Variants in PRKCQ observed in about 807,000 individuals in gnomAD.
The protein encoded by PRKCQ is protein kinase C theta.
In PRKCQ, 41 loss-of-function variants were observed where a neutral mutation model predicts 91.2. That is an observed-to-expected ratio of 0.45 (90% CI 0.35 to 0.58). PRKCQ has a LOEUF of 0.58. PRKCQ is among the 20% of genes least tolerant of loss of function. The pLI is 0.00. For synonymous variants in PRKCQ, 307 were observed against 316.9 expected, an observed-to-expected ratio of 0.97 and a Z score of 0.33; for missense variants, 673 against 896.5, an observed-to-expected ratio of 0.75 and a Z score of 3.18.
intron 1 of PRKCQ, among the ~76,000 whole-genome samples, chr10:6,538,387 C>G: frequency 6.6e-6 from 1 of 152,352 alleles, no homozygotes; most frequent in Non-Finnish European, 1.5e-5. Context: ...GCATTCCAGA[C>G]AGGAATGACC....
the PRKCQ span, among the ~76,000 whole-genome samples, chr10:6,394,622 A>G: frequency 1.3e-5 from 2 of 152,212 alleles, no homozygotes; most frequent in Admixed American, 6.5e-5. Context: ...GTAAATACAT[A>G]CGCCAAATCG....
rs1836728933 is a variant in PRKCQ, at chr10:6,483,506, C to A, written c.1113G>T (p.Leu371=). 2 of 1,614,200 alleles carry A rather than the reference C, an allele frequency of 1.2e-6. No homozygotes were observed. Among genetic ancestry groups the A allele is most frequent in the Non-Finnish European group, 1.7e-6 (2 of 1,180,034 alleles). ...EPELNKERPS[L]QIKLKIEDFI... ...AATCCTCAATTTTTAGTTTAATCTGCAGAGATGGTCTTTCTTTGTTCAGTT... is the reference window on the plus strand; with the variant it reads ...AATCCTCAATTTTTAGTTTAATCTGAAGAGATGGTCTTTCTTTGTTCAGTT... The change falls in exon 11 of 18, where the codon CTG becomes CTT. Residue 371 remains leucine (L), a synonymous_variant. Transcript: ENST00000263125.
chr10:6,560,952 C>T (rs758603753), intron 1 of PRKCQ, among the ~76,000 whole-genome samples: 10 of 149,506 alleles, frequency 6.7e-5, no homozygotes, highest in Middle Eastern at 7.2e-3. Flanking sequence ...GGCAGGAGAA[C>T]GGCATAAGCC....
intron 8 of PRKCQ, 116 bp from the exon 9 acceptor site, chr10:6,486,260 G>A (rs1029708128): frequency 6.0e-5 from 49 of 813,082 alleles, no homozygotes; most frequent in African/African-American, 3.8e-4. Flanking sequence ...AAAGTGCCAC[G>A]GCTGGGAGGA....
intron 3 of PRKCQ, among the ~76,000 whole-genome samples, chr10:6,510,265 C>A (rs1489081740): frequency 6.6e-6 from 1 of 152,098 alleles, no homozygotes; most frequent in African/African-American, 2.4e-5. Context: ...TTTACTCCTC[C>A]TTTTAACATT....
chr10:6,571,085 A>G (rs1371345737), intron 1 of PRKCQ, among the ~76,000 whole-genome samples: 1 of 151,956 alleles, frequency 6.6e-6, no homozygotes, highest in Non-Finnish European at 1.5e-5. Flanking sequence ...GGCCAGGGAA[A>G]CGTCTGGGAG....
intron 1 of PRKCQ, among the ~76,000 whole-genome samples, chr10:6,527,049 C>T (rs1839225905): frequency 6.6e-6 from 1 of 152,068 alleles, no homozygotes; most frequent in Non-Finnish European, 1.5e-5. Context: ...GTTTGGGGCC[C>T]CAACCCATGG....
the PRKCQ span, among the ~76,000 whole-genome samples, chr10:6,418,348 A>G: frequency 1.3e-5 from 2 of 152,202 alleles, no homozygotes; most frequent in African/African-American, 4.8e-5. Context: ...GGCTTAGGAC[A>G]CTGGGAAGAA....
At chr10:6,462,823 G>A (rs957486701) in intron 13 of PRKCQ, among the ~76,000 whole-genome samples, 11 of 152,028 alleles carry the variant, frequency 7.2e-5, no homozygotes, top group African/African-American at 2.4e-4. Flanking sequence ...TGGGCAACAT[G>A]GTGAAACACC....
chr10:6,536,586 CT>C (rs1357848690), intron 1 of PRKCQ, among the ~76,000 whole-genome samples: 2 of 152,118 alleles, frequency 1.3e-5, no homozygotes, highest in Non-Finnish European at 2.9e-5. Context: ...CTAAAAATCT[CT>C]TCTTCTTCCG....
At chr10:6,402,036 T>C in the PRKCQ span, among the ~76,000 whole-genome samples, 1 of 152,132 alleles carries the variant, frequency 6.6e-6, no homozygotes, top group Non-Finnish European at 1.5e-5. Context: ...TGGGAACTAT[T>C]GGAAGAACAC....
At chr10:6,567,575 C>T (rs149285444) in intron 1 of PRKCQ, among the ~76,000 whole-genome samples, 76 of 152,336 alleles carry the variant, frequency 5.0e-4, no homozygotes, top group African/African-American at 1.7e-3. Context: ...TCTATGACAT[C>T]CCTGAGGTCA....
At chr10:6,546,413 G>A (rs891169505) in intron 1 of PRKCQ, among the ~76,000 whole-genome samples, 1 of 152,156 alleles carries the variant, frequency 6.6e-6, no homozygotes, top group African/African-American at 2.4e-5. Context: ...GTGGTGCAAG[G>A]AATATACACA....
At position 6,489,293 on chromosome 10, in the gene PRKCQ, C is replaced by T. The variant is rs549406796; in HGVS notation, c.790+2390G>A. 6.9e-4 allele frequency: 325 copies of T among 468,642 alleles called. 8 individuals are homozygous for T. The highest frequency in any genetic ancestry group is 4.9e-3 in the South Asian group (314 of 64,238). The allele number at this position is 468,642 out of a possible 1,614,324, so 29.0% of individuals were successfully genotyped here. A position where few individuals can be genotyped will look rare whatever the true frequency, so the allele number is the denominator to read the frequency against. On this transcript the variant is annotated intron_variant, in intron 8 of 17. Transcript: ENST00000263125. Reference sequence around the variant, plus strand: ...CATAGAGGGATGGAGTTTTACTTTGCTCCTTAAAACTGTAGCCACATCTAG... The same window carrying T: ...CATAGAGGGATGGAGTTTTACTTTGTTCCTTAAAACTGTAGCCACATCTAG...
At chr10:6,573,577 T>C (rs1841119423) in intron 1 of PRKCQ, among the ~76,000 whole-genome samples, 1 of 152,180 alleles carries the variant, frequency 6.6e-6, no homozygotes, top group Non-Finnish European at 1.5e-5. Context: ...CAATACATGT[T>C]AGAATATATT....
intron 1 of PRKCQ, among the ~76,000 whole-genome samples, chr10:6,569,246 A>G (rs763302611): frequency 3.9e-5 from 6 of 152,064 alleles, no homozygotes; most frequent in Non-Finnish European, 7.3e-5. Flanking sequence ...GGAGTGTACA[A>G]TGTGGAAGAA....
intron 4 of PRKCQ, among the ~76,000 whole-genome samples, chr10:6,501,849 A>G (rs1055119609): frequency 1.3e-5 from 2 of 152,082 alleles, no homozygotes; most frequent in Non-Finnish European, 2.9e-5. Context: ...ACATAAAAAA[A>G]TTAAATAAAA....
chr10:6,498,665 G>T, intron 4 of PRKCQ, 107 bp from the exon 5 acceptor site: 1 of 1,050,008 alleles, frequency 9.5e-7, no homozygotes, highest in South Asian at 1.5e-5. Flanking sequence ...AGGAGGACCA[G>T]CTCTGAGTAC....
intron 1 of PRKCQ, among the ~76,000 whole-genome samples, chr10:6,557,705 T>C (rs1228842704): frequency 6.6e-6 from 1 of 152,204 alleles, no homozygotes; most frequent in East Asian, 1.9e-4. Flanking sequence ...AACTCCATAT[T>C]GGACCTTTCC....
Sources: allele counts gnomAD v4.1 joint callset (sites outside exome capture counted in the v4.1 genomes callset), GRCh38; gene constraint gnomAD v4.1.1; transcripts MANE v1.5; gene names NCBI Gene and HGNC (gene_info 2026-07-23, HGNC 2026-07-21).